The following WIPF1 variants were observed in gnomAD, a reference collection of about 807,000 sequenced individuals.
The protein encoded by WIPF1 is WAS/WASL interacting protein family member 1.
In WIPF1, 13 loss-of-function variants were observed where a neutral mutation model predicts 35.4. The observed-to-expected ratio is 0.37, with a 90% CI of 0.24 to 0.58. The LOEUF (loss-of-function observed/expected upper bound fraction) is 0.58. WIPF1 is among the 20% of genes least tolerant of loss of function. The pLI is 0.74. For synonymous variants in WIPF1, 267 were observed against 266.3 expected, an observed-to-expected ratio of 1.00 and a Z score of -0.02; for missense variants, 591 against 667.0, an observed-to-expected ratio of 0.89 and a Z score of 1.25.
chr2:174,648,854 C>A (rs561462222), intron 1 of WIPF1, among the ~76,000 whole-genome samples: 1 of 152,248 alleles, frequency 6.6e-6, no homozygotes, highest in South Asian at 2.1e-4. Flanking sequence ...CAAAGCAACC[C>A]CTCCCCCTTG....
At position 174,679,479 on chromosome 2, in the gene WIPF1, A is replaced by G. The variant is rs570217935; in HGVS notation, c.-39+3295T>C. Among the ~76,000 whole-genome samples, 79 of 152,228 alleles carry G rather than the reference A, an allele frequency of 5.2e-4. No homozygotes were observed. In the South Asian group the frequency reaches 0.011, roughly 21 times the overall value. On this transcript the variant is annotated intron_variant, in intron 1 of 8. Transcript: ENST00000272746. ...TAAAAATTTGTCTCAAAAAAAAAAA[A>G]AAAGGTGAAGATACAAAGAATTTGT... is the stretch of plus-strand genomic sequence containing the variant.
chr2:174,655,241 T>C (rs979393516), intron 1 of WIPF1, among the ~76,000 whole-genome samples: 18 of 152,166 alleles, frequency 1.2e-4, no homozygotes, highest in Admixed American at 3.9e-4. Flanking sequence ...ATCCATACCA[T>C]TGGCCATCCA....
chr2:174,647,140 G>A (rs1162240224), intron 1 of WIPF1, among the ~76,000 whole-genome samples: 1 of 152,070 alleles, frequency 6.6e-6, no homozygotes, highest in Non-Finnish European at 1.5e-5. Flanking sequence ...GGAAAGCTGA[G>A]GCAGGAGAAT....
chr2:174,604,088 AG>A (rs1686084727), intron 1 of WIPF1, among the ~76,000 whole-genome samples: 3 of 152,378 alleles, frequency 2.0e-5, no homozygotes, highest in South Asian at 4.1e-4. Context: ...ACAGTAGCAC[AG>A]GTATAGAAGT....
chr2:174,649,665 A>G (rs1472995715), intron 1 of WIPF1, among the ~76,000 whole-genome samples: 1 of 152,054 alleles, frequency 6.6e-6, no homozygotes, highest in Non-Finnish European at 1.5e-5. Flanking sequence ...ATGTGGCCCT[A>G]TGTGGTGTGC....
intron 1 of WIPF1, among the ~76,000 whole-genome samples, chr2:174,620,207 T>C (rs1472778604): frequency 6.6e-6 from 1 of 152,206 alleles, no homozygotes; most frequent in Non-Finnish European, 1.5e-5. Flanking sequence ...CAGAGATCAC[T>C]GAGTAAACAG....
chr2:174,633,698 T>A (rs1687098255), intron 1 of WIPF1, among the ~76,000 whole-genome samples: 1 of 152,234 alleles, frequency 6.6e-6, no homozygotes, highest in Non-Finnish European at 1.5e-5. Flanking sequence ...GACGGCTGCT[T>A]CCCAACCCTC....
intron 1 of WIPF1, among the ~76,000 whole-genome samples, chr2:174,617,245 C>G (rs1041687136): frequency 2.0e-5 from 3 of 152,102 alleles, no homozygotes; most frequent in Admixed American, 6.6e-5. Flanking sequence ...CTAGGTGGCA[C>G]CAGTCAGTCA....
chr2:174,681,362 T>C (rs1431209336), intron 1 of WIPF1, among the ~76,000 whole-genome samples: 3 of 151,902 alleles, frequency 2.0e-5, no homozygotes, highest in Non-Finnish European at 4.4e-5. Context: ...ACAGTCACAG[T>C]AGAAGGCAGT....
intron 3 of WIPF1, among the ~76,000 whole-genome samples, chr2:174,579,049 C>T (rs546462597): frequency 1.3e-3 from 200 of 152,254 alleles, no homozygotes; most frequent in African/African-American, 4.5e-3. Context: ...TGGAGTTTCA[C>T]GCTTGTTGCC....
At chr2:174,576,243 A>AAAAAAAAAAAAAAAAAAAAAAAC (rs1559149036) in intron 3 of WIPF1, among the ~76,000 whole-genome samples, 4 of 150,346 alleles carry the variant, frequency 2.7e-5, no homozygotes, top group African/African-American at 1.0e-4. Context: ...AAAAAAAAAA[A>AAAAAAAAAAAAAAAAAAAAAAAC]AAAAAACACT....
At chr2:174,629,989 T>G (rs1019154036) in intron 1 of WIPF1, 5 of 152,210 alleles carry the variant, frequency 3.3e-5, no homozygotes, top group East Asian at 1.9e-4. Flanking sequence ...CATGCATAAC[T>G]TCCTAGTCTG....
At chr2:174,649,628 C>T (rs931362806) in intron 1 of WIPF1, among the ~76,000 whole-genome samples, 1 of 152,118 alleles carries the variant, frequency 6.6e-6, no homozygotes, top group African/African-American at 2.4e-5. Flanking sequence ...CTGTTTTCTG[C>T]CTCCTGACCA....
intron 1 of WIPF1, among the ~76,000 whole-genome samples, chr2:174,588,084 G>A (rs1455721801): frequency 2.6e-5 from 4 of 152,168 alleles, no homozygotes; most frequent in Non-Finnish European, 4.4e-5. Flanking sequence ...AGAGGCCTTG[G>A]AGTCAGACGT....
At chr2:174,567,289 G>T in intron 6 of WIPF1, 106 bp from the exon 7 acceptor site, 2 of 1,062,062 alleles carry the variant, frequency 1.9e-6, no homozygotes, top group Non-Finnish European at 2.8e-6. Context: ...AGACATCAGT[G>T]CTAGTTTTTA....
At chr2:174,632,096 A>C (rs1419680593) in intron 1 of WIPF1, among the ~76,000 whole-genome samples, 3 of 152,114 alleles carry the variant, frequency 2.0e-5, no homozygotes, top group Non-Finnish European at 4.4e-5. Flanking sequence ...TTCCACTTTG[A>C]CCTTTAAACT....
intron 1 of WIPF1, among the ~76,000 whole-genome samples, chr2:174,595,587 G>T (rs1375659385): frequency 6.6e-6 from 1 of 152,076 alleles, no homozygotes; most frequent in African/African-American, 2.4e-5. Flanking sequence ...CAAAATAAGT[G>T]GTCAGTAAAT....
rs144023038 is a variant in WIPF1 at position 174,572,954 on chromosome 2, A to C, written c.359-508T>G. On this transcript the variant is annotated intron_variant, in intron 4 of 7. Transcript: ENST00000679041. ...TAGTCCCTATGAAGAGAAATGCCCC[A>C]AAAAAAGTGGAAAACTGTAAGGGGA... 6.6e-3 allele frequency among the ~76,000 whole-genome samples: 1,004 copies of C among 152,248 alleles called. 4 individuals carry two copies. Among genetic ancestry groups the C allele is most frequent in the African/African-American group, 0.019 (810 of 41,546 alleles).
At chr2:174,664,391 G>A (rs759427158) in intron 1 of WIPF1, among the ~76,000 whole-genome samples, 5 of 152,186 alleles carry the variant, frequency 3.3e-5, no homozygotes, top group Non-Finnish European at 5.9e-5. Context: ...GTTAGTCCAG[G>A]ACTTGAAACA....
Sources: allele counts gnomAD v4.1 joint callset (sites outside exome capture counted in the v4.1 genomes callset), GRCh38; gene constraint gnomAD v4.1.1; transcripts MANE v1.5; gene names NCBI Gene and HGNC (gene_info 2026-07-23, HGNC 2026-07-21).